Variants in SCFD2 observed in about 807,000 individuals in gnomAD.
SCFD2 encodes sec1 family domain-containing protein 2.
A neutral mutation model predicts 58.9 loss-of-function variants in SCFD2; 54 were observed. That is an observed-to-expected ratio of 0.92 (90% CI 0.74 to 1.15). The LOEUF (loss-of-function observed/expected upper bound fraction) is 1.15, where lower values mean the gene tolerates loss of function less well. SCFD2 is among the 50% of genes most tolerant of loss of function. The pLI, the probability that SCFD2 is intolerant of heterozygous loss-of-function variation, is 0.00. For synonymous variants in SCFD2, 321 were observed against 335.9 expected (o/e 0.96, Z 0.49); for missense variants, 805 against 836.6 (o/e 0.96, Z 0.47).
At chr4:53,240,390 T>C (rs1271425723) in intron 4 of SCFD2, among the ~76,000 whole-genome samples, 1 of 152,222 alleles carries the variant, frequency 6.6e-6, no homozygotes, top group Non-Finnish European at 1.5e-5. Context: ...TCAGAATCAA[T>C]GAAAAATGGT....
intron 4 of SCFD2, among the ~76,000 whole-genome samples, chr4:53,177,708 G>T (rs2898961): frequency 1.3e-5 from 2 of 152,064 alleles, no homozygotes; most frequent in African/African-American, 4.8e-5. Flanking sequence ...CCAAGGCATC[G>T]CCTCATCCGG....
intron 3 of SCFD2, among the ~76,000 whole-genome samples, chr4:53,278,869 T>G (rs1731422264): frequency 6.7e-6 from 1 of 148,606 alleles, no homozygotes; most frequent in Non-Finnish European, 1.5e-5. Flanking sequence ...TAAAAAGTAA[T>G]TCACACAGAT....
intron 5 of SCFD2, among the ~76,000 whole-genome samples, chr4:52,983,370 G>A (rs1302804121): frequency 6.6e-6 from 1 of 152,160 alleles, no homozygotes; most frequent in African/African-American, 2.4e-5. Context: ...GAGAAGGAAA[G>A]CCACATTTTA....
intron 7 of SCFD2, among the ~76,000 whole-genome samples, chr4:52,897,165 T>C (rs1260856722): frequency 1.3e-5 from 2 of 152,340 alleles, no homozygotes; most frequent in Non-Finnish European, 2.9e-5. Flanking sequence ...TCCTGCCTGA[T>C]TGCCCTGGCC....
intron 5 of SCFD2, among the ~76,000 whole-genome samples, chr4:53,114,254 T>C (rs886220442): frequency 3.3e-5 from 5 of 152,178 alleles, no homozygotes; most frequent in African/African-American, 9.7e-5. Context: ...GCACACATAC[T>C]ACACATAGTA....
chr4:52,963,176 T>C (rs909313845), intron 5 of SCFD2, among the ~76,000 whole-genome samples: 1 of 152,334 alleles, frequency 6.6e-6, no homozygotes. Context: ...TTATCCTCTA[T>C]TGAAAAAAAC....
At chr4:53,173,150 A>G (rs1466703122) in intron 4 of SCFD2, among the ~76,000 whole-genome samples, 2 of 151,962 alleles carry the variant, frequency 1.3e-5, no homozygotes, top group African/African-American at 4.8e-5. Context: ...TTTGTCTAAT[A>G]TAAGTACAGA....
At chr4:52,972,022 A>C (rs1394168178) in intron 5 of SCFD2, among the ~76,000 whole-genome samples, 3 of 152,232 alleles carry the variant, frequency 2.0e-5, no homozygotes, top group South Asian at 4.1e-4. Context: ...GGAAGCACTG[A>C]ACATGGAAAG....
intron 5 of SCFD2, among the ~76,000 whole-genome samples, chr4:53,022,687 C>T (rs1253339345): frequency 6.6e-6 from 1 of 152,130 alleles, no homozygotes; most frequent in African/African-American, 2.4e-5. Flanking sequence ...TGCCAGACTA[C>T]CTCACAGAGT....
intron 5 of SCFD2, among the ~76,000 whole-genome samples, chr4:52,986,491 A>ATTTTTTTTT (rs369944739): frequency 1.2e-5 from 1 of 84,922 alleles, no homozygotes; most frequent in African/African-American, 4.7e-5. Flanking sequence ...TCTTCATGAA[A>ATTTTTTTTT]TTTTTTTTTT....
At chr4:52,960,722 ACACAC>A (rs1428835696) in intron 5 of SCFD2, among the ~76,000 whole-genome samples, 1 of 147,192 alleles carries the variant, frequency 6.8e-6, no homozygotes, top group East Asian at 1.9e-4. Flanking sequence ...ACACACACAC[ACACAC>A]AACACACACA....
At chr4:52,920,972 T>TTTA (rs1206735107) in intron 5 of SCFD2, 102 bp from the exon 6 acceptor site, 72 of 485,270 alleles carry the variant, frequency 1.5e-4, no homozygotes, top group East Asian at 5.7e-4. Context: ...TTTTTTTTTC[T>TTTA]TTATTATTAT....
intron 4 of SCFD2, among the ~76,000 whole-genome samples, chr4:53,160,766 CA>C (rs1726829398): frequency 6.6e-6 from 1 of 152,126 alleles, no homozygotes; most frequent in Non-Finnish European, 1.5e-5. Flanking sequence ...TGAAAATAAA[CA>C]CAGAAAGGTT....
chr4:53,342,312 T>A (rs1733905308), intron 2 of SCFD2, among the ~76,000 whole-genome samples: 1 of 152,150 alleles, frequency 6.6e-6, no homozygotes, highest in South Asian at 2.1e-4. Context: ...GCAATCCTAG[T>A]CTTGGATAAA....
intron 3 of SCFD2, among the ~76,000 whole-genome samples, chr4:53,287,104 G>A (rs553755959): frequency 1.3e-4 from 20 of 152,196 alleles, no homozygotes; most frequent in African/African-American, 3.4e-4. Flanking sequence ...ACCTGTCCCC[G>A]GGTCTAAGCT....
chr4:53,118,230 G>A (rs1200629995), intron 5 of SCFD2, among the ~76,000 whole-genome samples: 1 of 152,104 alleles, frequency 6.6e-6, no homozygotes, highest in African/African-American at 2.4e-5. Context: ...ATTTGCCATT[G>A]TTTTCCCAGA....
chr4:52,907,483 T>G lies in SCFD2; in HGVS notation c.1816A>C (p.Lys606Gln), dbSNP rs752490359. 1 of 1,614,108 alleles carries G rather than the reference T, an allele frequency of 6.2e-7. No individual in the cohort carries two copies. The highest frequency in any genetic ancestry group is 1.7e-5 in the Admixed American group (1 of 60,024). Reference sequence around the variant, plus strand: ...TTCATGAACATGCTAAATCCAGTTTTAAGGAGATCAGTGAGGCCTGAAGAC... The same window carrying G: ...TTCATGAACATGCTAAATCCAGTTTGAAGGAGATCAGTGAGGCCTGAAGAC... ...HMSSGLTDLL[K>Q]TGFSMFMKVS... Residue 606 changes from lysine (K) to glutamine (Q), a missense_variant, in exon 7 of 9, where the codon AAA (lysine) becomes CAA (glutamine). Lys to Gln is a moderately conservative substitution (Grantham distance 53). Around this residue, in one of 3 missense-constraint regions of SCFD2, gnomAD observed 633 missense variants for 646.8 expected, o/e 0.98. Transcript: ENST00000401642.
intron 2 of SCFD2, among the ~76,000 whole-genome samples, chr4:53,341,914 T>C (rs768857440): frequency 6.6e-6 from 1 of 152,072 alleles, no homozygotes; most frequent in Non-Finnish European, 1.5e-5. Context: ...TGCTGAGAGA[T>C]TTTGTCACCA....
intron 4 of SCFD2, among the ~76,000 whole-genome samples, chr4:53,209,679 C>T (rs1728544288): frequency 6.6e-6 from 1 of 151,818 alleles, no homozygotes; most frequent in Admixed American, 6.6e-5. Context: ...GGTCTCTGTC[C>T]TCAAGAAACT....
Sources: allele counts gnomAD v4.1 joint callset (sites outside exome capture counted in the v4.1 genomes callset), GRCh38; gene constraint gnomAD v4.1.1; regional missense constraint gnomAD v4.1.1; transcripts MANE v1.5; gene names NCBI Gene and HGNC (gene_info 2026-07-23, HGNC 2026-07-21).